Variants in LPA observed in about 807,000 individuals in gnomAD.
LPA encodes the protein lipoprotein(a), also known as apolipoprotein(a).
LPA carries 199 observed loss-of-function variants against 197.9 expected under a neutral mutation model. The ratio of observed to expected loss-of-function variants is 1.01; its 90% CI spans 0.90 to 1.13. The LOEUF is 1.13. Among genes scored for constraint, LPA ranks in the 50% most tolerant of loss-of-function variants. The pLI is 0.00. For missense variants in LPA, 1,853 were observed against 1,785.8 expected (o/e 1.04, Z -0.68); for synonymous variants, 715 against 639.5 (o/e 1.12, Z -1.78).
chr6:160,574,033 C>A (rs1009613777), intron 28 of LPA, among the ~76,000 whole-genome samples: 1 of 152,072 alleles, frequency 6.6e-6, no homozygotes, highest in Non-Finnish European at 1.5e-5. Context: ...TGGGACTAGG[C>A]GTGTCTGAGC....
At chr6:160,647,522 A>T (rs1779918392) in intron 2 of LPA, among the ~76,000 whole-genome samples, 4 of 152,160 alleles carry the variant, frequency 2.6e-5, no homozygotes. Flanking sequence ...GAGCAACTGG[A>T]TGTACTAAGA....
At chr6:160,605,332 C>T (rs915648829) in intron 17 of LPA, 127 bp from the exon 18 acceptor site, 9 of 1,149,862 alleles carry the variant, frequency 7.8e-6, no homozygotes, top group African/African-American at 4.6e-5. Context: ...TGACAAGTAA[C>T]ATTCTTGTTT....
chr6:160,656,254 G>C (rs1481993013), intron 1 of LPA, among the ~76,000 whole-genome samples: 1 of 152,126 alleles, frequency 6.6e-6, no homozygotes, highest in African/African-American at 2.4e-5. Flanking sequence ...TCCAGGGATG[G>C]GATATTGTTT....
chr6:160,604,938 G>C, intron 18 of LPA, 108 bp downstream of exon 18: 1 of 1,521,900 alleles, frequency 6.6e-7, no homozygotes, highest in East Asian at 2.3e-5. Flanking sequence ...GCTATGCACT[G>C]TTCATCTGAG....
intron 28 of LPA, among the ~76,000 whole-genome samples, chr6:160,561,995 ACAAT>A (rs1478786233): frequency 1.3e-5 from 2 of 152,216 alleles, no homozygotes; most frequent in Non-Finnish European, 2.9e-5. Flanking sequence ...TTCTAAATAT[ACAAT>A]CATGTCATCT....
At chr6:160,607,183 C>A (rs1316687308) in intron 16 of LPA, among the ~76,000 whole-genome samples, 1 of 152,136 alleles carries the variant, frequency 6.6e-6, no homozygotes, top group African/African-American at 2.4e-5. Context: ...TCTATGTACT[C>A]AAAACCTCGC....
Position 160,542,768 on chromosome 6 carries a change from CGGCTCCACTTGA to C in LPA, c.5427_5438del (p.Gln1810_Pro1813del). 6.2e-7 allele frequency: 1 copy of C among 1,614,080 alleles called. No homozygotes were observed. The highest frequency in any genetic ancestry group is 1.3e-5 in the African/African-American group (1 of 75,038). On this transcript the variant is annotated inframe_deletion, in exon 34 of 39. Transcript: ENST00000316300. ...CTACAATGCTTCCAGGACATTTCTT[CGGCTCCACTTGA>C]GGCTTCCCACAATCAAATGAAGAGG... is the stretch of plus-strand genomic sequence containing the variant.
chr6:160,554,241 C>T (rs1305633340), intron 30 of LPA, among the ~76,000 whole-genome samples: 2 of 152,038 alleles, frequency 1.3e-5, no homozygotes, highest in Non-Finnish European at 2.9e-5. Flanking sequence ...TCAATTCCAT[C>T]GTTTCTACTA....
chr6:160,534,014 G>T (rs1419694675), intron 37 of LPA, among the ~76,000 whole-genome samples: 1 of 152,172 alleles, frequency 6.6e-6, no homozygotes, highest in African/African-American at 2.4e-5. Flanking sequence ...TGCAAGCATG[G>T]CACAGGCTAG....
chr6:160,651,870 G>A (rs1780011979), intron 1 of LPA, among the ~76,000 whole-genome samples: 1 of 152,116 alleles, frequency 6.6e-6, no homozygotes, highest in Non-Finnish European at 1.5e-5. Context: ...AAAATGCTAG[G>A]AAGAGATTTA....
chr6:160,605,558 G>A (rs1257860387), intron 17 of LPA, among the ~76,000 whole-genome samples: 1 of 152,204 alleles, frequency 6.6e-6, no homozygotes, highest in Non-Finnish European at 1.5e-5. Context: ...ATGTTCATGA[G>A]GACTATGGGG....
chr6:160,647,793 G>T (rs1274940683), intron 2 of LPA, among the ~76,000 whole-genome samples: 1 of 152,072 alleles, frequency 6.6e-6, no homozygotes, highest in African/African-American at 2.4e-5. Context: ...TCTACATATG[G>T]TAAAGTTAAA....
chr6:160,541,874 T>A (rs1195332878), intron 34 of LPA, among the ~76,000 whole-genome samples: 1 of 152,206 alleles, frequency 6.6e-6, no homozygotes, highest in Non-Finnish European at 1.5e-5. Context: ...AGCAAGAAGT[T>A]ACAAACGATA....
At chr6:160,532,470 T>C in intron 38 of LPA, 61 bp downstream of exon 38, 1 of 1,358,092 alleles carries the variant, frequency 7.4e-7, no homozygotes, top group Non-Finnish European at 1.1e-6. Flanking sequence ...GGGACTGACG[T>C]CTAAGGGACT....
At chr6:160,570,356 AC>A (rs1261755074) in intron 28 of LPA, among the ~76,000 whole-genome samples, 1 of 152,206 alleles carries the variant, frequency 6.6e-6, no homozygotes, top group Non-Finnish European at 1.5e-5. Context: ...GAAGCTGGAA[AC>A]CATCATTCTC....
At chr6:160,578,964 C>T (rs775907432) in intron 26 of LPA, among the ~76,000 whole-genome samples, 34 of 152,182 alleles carry the variant, frequency 2.2e-4, no homozygotes, top group Non-Finnish European at 4.9e-4. Flanking sequence ...TAATACATGT[C>T]TGTACAAGAA....
intron 26 of LPA, among the ~76,000 whole-genome samples, chr6:160,582,197 T>C (rs1778814644): frequency 6.6e-6 from 1 of 152,086 alleles, no homozygotes; most frequent in African/African-American, 2.4e-5. Context: ...GTTATTCCAT[T>C]GTTTCTGACT....
intron 37 of LPA, among the ~76,000 whole-genome samples, chr6:160,537,152 A>G (rs931705514): frequency 2.0e-5 from 3 of 152,304 alleles, no homozygotes; most frequent in Admixed American, 1.3e-4. Context: ...GGTAAGGCTG[A>G]CGGATATAAT....
chr6:160,634,804 G>C (rs1317792764), intron 7 of LPA, among the ~76,000 whole-genome samples: 3 of 150,344 alleles, frequency 2.0e-5, no homozygotes, highest in Non-Finnish European at 4.4e-5. Context: ...GCGACAGAAA[G>C]AATCACACAC....
Sources: gnomAD v4.1 joint callset for allele counts (sites outside exome capture counted in the v4.1 genomes callset) on GRCh38, gnomAD v4.1.1 for gene constraint, MANE v1.5 for transcripts, NCBI Gene and HGNC (gene_info 2026-07-23, HGNC 2026-07-21) for gene names.